The following ETV1 variants were observed in gnomAD, a reference collection of about 807,000 sequenced individuals.
ETV1 encodes ETS variant transcription factor 1.
ETV1 carries 27 observed loss-of-function variants against 62.3 expected under a neutral mutation model. The ratio of observed to expected loss-of-function variants is 0.43; its 90% CI spans 0.32 to 0.60. The LOEUF is 0.60. Among genes scored for constraint, ETV1 ranks in the 20% least tolerant of loss-of-function variants. The probability of loss-of-function intolerance (pLI) is 0.06; values close to 1 mark genes in which losing one functional copy is unlikely to be tolerated. For missense variants in ETV1, 605 were observed against 605.8 expected (o/e 1.00, Z 0.01); for synonymous variants, 222 against 199.6 (o/e 1.11, Z -0.94).
chr7:13,907,931 A>C (rs1783141489), intron 11 of ETV1: 1 of 431,886 alleles, frequency 2.3e-6, no homozygotes, highest in Non-Finnish European at 4.7e-6. Context: ...ACATGATAAT[A>C]TAGAAGTGTA....
At chr7:13,900,652 A>G in intron 13 of ETV1, 86 bp downstream of exon 13, 4 of 940,474 alleles carry the variant, frequency 4.3e-6, no homozygotes, top group South Asian at 1.7e-5. Context: ...CGCTTCAGCA[A>G]TGCAATGATA....
Position 13,900,738 on chromosome 7 carries a change from C to A in ETV1, c.1212G>T (p.Lys404Asn). 1 of 1,594,104 alleles carries A rather than the reference C, an allele frequency of 6.3e-7. No individual in the cohort carries two copies. The highest frequency in any genetic ancestry group is 8.6e-7 in the Non-Finnish European group (1 of 1,165,596). The stretch of plus-strand genomic sequence containing the variant: ...TTTTAATGCTGTATTAGCTGCTCAC[C>A]TTTTGCATAATTCCTTTCTCATAGT... ...RYYYEKGIMQKVAGERYVYKF... is the reference protein window; with the variant it reads ...RYYYEKGIMQNVAGERYVYKF... The change falls in exon 13 of 14, where the codon AAG (lysine) becomes AAT (asparagine). Residue 404 changes from lysine (K) to asparagine (N), a missense_variant and splice_region_variant. Lys to Asn is a moderately conservative substitution (Grantham distance 94). Transcript: ENST00000430479.
chr7:13,978,184 C>G (rs1346180298), intron 5 of ETV1, among the ~76,000 whole-genome samples: 1 of 152,148 alleles, frequency 6.6e-6, no homozygotes, highest in Non-Finnish European at 1.5e-5. Flanking sequence ...AAGAATATCA[C>G]TAGTTCGTCA....
At chr7:13,949,521 C>G (rs763146356) in intron 6 of ETV1, among the ~76,000 whole-genome samples, 4 of 152,118 alleles carry the variant, frequency 2.6e-5, no homozygotes, top group Non-Finnish European at 5.9e-5. Flanking sequence ...CTCAAAGATT[C>G]TTTCTAGTAC....
At chr7:13,952,849 T>G (rs777219072) in intron 6 of ETV1, among the ~76,000 whole-genome samples, 6 of 152,186 alleles carry the variant, frequency 3.9e-5, no homozygotes, top group Non-Finnish European at 5.9e-5. Flanking sequence ...AATATGTTGA[T>G]TCATTCCTCT....
chr7:13,952,549 G>T (rs1182384428), intron 6 of ETV1, among the ~76,000 whole-genome samples: 2 of 152,154 alleles, frequency 1.3e-5, no homozygotes, highest in Non-Finnish European at 2.9e-5. Flanking sequence ...CTATATTTAA[G>T]AAGGGAGGGA....
At position 13,895,091 on chromosome 7, in the gene ETV1, A is replaced by G. The variant is rs1781647863; in HGVS notation, c.*775T>C. The G allele has an allele frequency of 4.3e-6, 1 of 233,296 alleles. No homozygotes were observed. Among genetic ancestry groups the G allele is most frequent in the Non-Finnish European group, 8.5e-6 (1 of 117,880 alleles). The allele number at this position is 233,296 out of a possible 1,614,324, so 14.5% of individuals were successfully genotyped here. On this transcript the variant is annotated 3_prime_UTR_variant, in exon 14 of 14. Coordinates refer to ENST00000430479, the MANE Select transcript of ETV1 (RefSeq NM_004956.5). ...TCATTATTTAACTGAAATGGGCTTC[A>G]AAATATTTAAAAGACGGTATGATTT...
chr7:13,895,986 C>T lies in ETV1; in HGVS notation c.1314G>A (p.Met438Ile). 2 of 1,613,690 alleles carry T rather than the reference C, an allele frequency of 1.2e-6. No individual in the cohort carries two copies. The highest frequency in any genetic ancestry group is 1.7e-6 in the Non-Finnish European group (2 of 1,179,784). The change falls in exon 14 of 14, where the codon ATG (methionine) becomes ATA (isoleucine). Residue 438 changes from methionine to isoleucine, a missense_variant. By Grantham distance (10) the Met-to-Ile change is conservative. Coordinates refer to ENST00000430479, the MANE Select transcript of ETV1 (RefSeq NM_004956.5). Reference protein sequence around the residue: ...DNQRPLLKTDMERHINEEDTV... With the variant: ...DNQRPLLKTDIERHINEEDTV... ...TGTCCTCCTCGTTGATGTGACGTTC[C>T]ATGTCTGTCTTCAGCAGTGGACGCT...
intron 3 of ETV1, 160 bp from the exon 4 acceptor site, chr7:13,988,333 A>AT (rs1195271648): frequency 3.4e-6 from 2 of 590,852 alleles, no homozygotes; most frequent in Non-Finnish European, 2.9e-6. Context: ...TCTAATATTC[A>AT]TTTTCTCACT....
rs1252369425 is a variant in ETV1 at position 13,891,884 on chromosome 7, T to C, written c.*3982A>G. On this transcript the variant is annotated 3_prime_UTR_variant, in exon 14 of 14. Transcript: ENST00000430479. Reference sequence around the variant, plus strand: ...CTTCTTATTTTTAAATTTTAGTTTTTGTTTTCTAGGATTCCAAGTAACAAA... The same window carrying C: ...CTTCTTATTTTTAAATTTTAGTTTTCGTTTTCTAGGATTCCAAGTAACAAA... 4.3e-6 allele frequency: 1 copy of C among 231,468 alleles called. No individual in the cohort carries two copies. Among genetic ancestry groups the C allele is most frequent in the East Asian group, 6.2e-5 (1 of 16,176 alleles). The allele number at this position is 231,468 out of a possible 1,614,324, so 14.3% of individuals were successfully genotyped here.
chr7:13,909,545 T>C, intron 11 of ETV1, 87 bp downstream of exon 11: 1 of 932,728 alleles, frequency 1.1e-6, no homozygotes, highest in South Asian at 1.4e-5. Context: ...AATCTTTAAG[T>C]AGGGATGTCC....
intron 9 of ETV1, among the ~76,000 whole-genome samples, chr7:13,917,710 A>T (rs1402889494): frequency 1.3e-5 from 2 of 151,770 alleles, no homozygotes; most frequent in South Asian, 4.2e-4. Flanking sequence ...CACGCCTGTA[A>T]TCCCAGAACT....
chr7:13,931,856 C>T, intron 8 of ETV1, 107 bp from the exon 9 acceptor site: 3 of 1,331,292 alleles, frequency 2.3e-6, no homozygotes, highest in Non-Finnish European at 3.1e-6. Context: ...TACCAGCTGA[C>T]CTGAAGCGTA....
intron 5 of ETV1, among the ~76,000 whole-genome samples, chr7:13,981,090 G>C (rs1781935025): frequency 6.6e-6 from 1 of 151,838 alleles, no homozygotes; most frequent in Non-Finnish European, 1.5e-5. Flanking sequence ...GTGCCTGTTG[G>C]GTTTTTTTTT....
At chr7:13,931,973 A>C (rs1012865150) in intron 8 of ETV1, among the ~76,000 whole-genome samples, 1 of 151,948 alleles carries the variant, frequency 6.6e-6, no homozygotes, top group Non-Finnish European at 1.5e-5. Context: ...GCACTGTTGC[A>C]GTATATGAGT....
At chr7:13,911,375 G>A (rs983930524) in intron 9 of ETV1, 68 bp from the exon 10 acceptor site, 2 of 1,037,498 alleles carry the variant, frequency 1.9e-6, no homozygotes, top group East Asian at 4.9e-5. Context: ...CAATGGACAG[G>A]GTGCAGACAG....
intron 6 of ETV1, among the ~76,000 whole-genome samples, chr7:13,946,380 C>A (rs1788165145): frequency 6.6e-6 from 1 of 152,166 alleles, no homozygotes; most frequent in African/African-American, 2.4e-5. Flanking sequence ...GACTAATGAT[C>A]ACTTGAGTTC....
intron 9 of ETV1, among the ~76,000 whole-genome samples, chr7:13,917,796 C>T (rs1250040468): frequency 6.6e-6 from 1 of 151,980 alleles, no homozygotes; most frequent in Admixed American, 6.5e-5. Flanking sequence ...AACCCCGTCT[C>T]TACTGAAAAC....
At chr7:13,981,608 G>A (rs1403398505) in intron 5 of ETV1, among the ~76,000 whole-genome samples, 3 of 151,768 alleles carry the variant, frequency 2.0e-5, no homozygotes, top group African/African-American at 7.3e-5. Context: ...AAACTTGCAT[G>A]TATAAAACTA....
Sources: allele counts gnomAD v4.1 joint callset (sites outside exome capture counted in the v4.1 genomes callset), GRCh38; gene constraint gnomAD v4.1.1; transcripts MANE v1.5; gene names NCBI Gene and HGNC (gene_info 2026-07-23, HGNC 2026-07-21).